Variants in CTNNA2 observed in about 807,000 individuals in gnomAD.
CTNNA2 encodes catenin alpha-2.
Under a neutral mutation model 101.0 loss-of-function variants are expected in CTNNA2, and 42 were observed. That is an observed-to-expected ratio of 0.42 (90% CI 0.32 to 0.54). CTNNA2 has a LOEUF of 0.54. Among genes scored for constraint, CTNNA2 ranks in the 20% least tolerant of loss-of-function variants. The pLI is 0.14. For synonymous variants in CTNNA2, 450 were observed against 456.4 expected, an observed-to-expected ratio of 0.99 and a Z score of 0.18; for missense variants, 871 against 1,223.1, an observed-to-expected ratio of 0.71 and a Z score of 4.29.
At chr2:80,564,872 C>T (rs183728044) in intron 12 of CTNNA2, among the ~76,000 whole-genome samples, 118 of 152,220 alleles carry the variant, frequency 7.8e-4, no homozygotes, top group Admixed American at 1.2e-3. Flanking sequence ...TTTTCAACTT[C>T]GAACCTGATG....
intron 7 of CTNNA2, among the ~76,000 whole-genome samples, chr2:79,962,774 A>T (rs1243452383): frequency 1.3e-5 from 2 of 152,138 alleles, no homozygotes; most frequent in African/African-American, 4.8e-5. Context: ...GCAATGAATT[A>T]ATGTTACACA....
At chr2:80,644,654 G>A (rs1410524699) in intron 18 of CTNNA2, among the ~76,000 whole-genome samples, 2 of 152,258 alleles carry the variant, frequency 1.3e-5, no homozygotes, top group Non-Finnish European at 2.9e-5. Flanking sequence ...GTAACCTTTG[G>A]AAATTCAACT....
chr2:79,194,941 C>T (rs1356081222), intron 1 of CTNNA2, among the ~76,000 whole-genome samples: 1 of 152,118 alleles, frequency 6.6e-6, no homozygotes, highest in Non-Finnish European at 1.5e-5. Flanking sequence ...AGCAATACTT[C>T]GTGAAAGCTC....
chr2:80,522,654 C>A (rs1198055186), intron 9 of CTNNA2, among the ~76,000 whole-genome samples: 1 of 151,918 alleles, frequency 6.6e-6, no homozygotes, highest in Non-Finnish European at 1.5e-5. Flanking sequence ...TGGTTTAGTA[C>A]CATCCCCTTA....
At chr2:80,523,246 A>G (rs972481731) in intron 9 of CTNNA2, among the ~76,000 whole-genome samples, 1 of 152,188 alleles carries the variant, frequency 6.6e-6, no homozygotes, top group Non-Finnish European at 1.5e-5. Context: ...ATTCAAATAC[A>G]TGGGTGAGCA....
At chr2:79,845,172 C>T (rs1680135525) in intron 3 of CTNNA2, among the ~76,000 whole-genome samples, 2 of 104,202 alleles carry the variant, frequency 1.9e-5, no homozygotes, top group Non-Finnish European at 1.9e-5. Flanking sequence ...AACACAGCTG[C>T]TTTTTTTTTT....
chr2:79,222,696 TC>T (rs1674360256), intron 2 of CTNNA2, among the ~76,000 whole-genome samples: 8 of 152,138 alleles, frequency 5.3e-5, no homozygotes, highest in African/African-American at 1.9e-4. Flanking sequence ...TCTCTCTCTC[TC>T]TCTCTGTTCT....
intron 3 of CTNNA2, among the ~76,000 whole-genome samples, chr2:79,841,674 G>A (rs138380179): frequency 4.7e-4 from 72 of 152,286 alleles, no homozygotes; most frequent in Middle Eastern, 3.4e-3. Flanking sequence ...AAAGCAATGT[G>A]TGATCTTTAT....
chr2:79,804,865 T>C (rs1676447141), intron 3 of CTNNA2, among the ~76,000 whole-genome samples: 1 of 152,168 alleles, frequency 6.6e-6, no homozygotes, highest in Non-Finnish European at 1.5e-5. Context: ...GTTTTGAACA[T>C]TTTAAAAGTC....
At chr2:79,430,045 C>A (rs1678639942) in intron 4 of CTNNA2, among the ~76,000 whole-genome samples, 1 of 151,864 alleles carries the variant, frequency 6.6e-6, no homozygotes, top group Non-Finnish European at 1.5e-5. Context: ...GATTTTGCAC[C>A]AAAGGAAACA....
At chr2:80,398,986 G>A (rs1678306331) in intron 8 of CTNNA2, among the ~76,000 whole-genome samples, 1 of 150,574 alleles carries the variant, frequency 6.6e-6, no homozygotes, top group African/African-American at 2.4e-5. Context: ...TCAACTCACT[G>A]CAACCTTCAC....
chr2:79,784,914 G>A (rs1247411774), intron 3 of CTNNA2, among the ~76,000 whole-genome samples: 1 of 152,056 alleles, frequency 6.6e-6, no homozygotes, highest in Admixed American at 6.6e-5. Context: ...GGTTGCCCGT[G>A]AAGCTTAGTG....
At chr2:80,571,075 A>G (rs1410515080) in intron 12 of CTNNA2, among the ~76,000 whole-genome samples, 1 of 152,176 alleles carries the variant, frequency 6.6e-6, no homozygotes, top group Non-Finnish European at 1.5e-5. Flanking sequence ...GTCACCTTCT[A>G]CGTTGTCCTC....
intron 6 of CTNNA2, among the ~76,000 whole-genome samples, chr2:79,883,112 T>C (rs1440648277): frequency 2.0e-5 from 3 of 152,190 alleles, no homozygotes; most frequent in African/African-American, 7.2e-5. Context: ...TCCGATCGCC[T>C]CTGTTTCTAG....
chr2:80,296,104 G>A (rs1000858571), intron 7 of CTNNA2, among the ~76,000 whole-genome samples: 2 of 151,746 alleles, frequency 1.3e-5, no homozygotes, highest in East Asian at 3.9e-4. Context: ...AAATTTATGG[G>A]GTACATGAGA....
intron 9 of CTNNA2, among the ~76,000 whole-genome samples, chr2:80,499,726 C>G (rs1195095057): frequency 6.6e-6 from 1 of 152,014 alleles, no homozygotes; most frequent in Non-Finnish European, 1.5e-5. Flanking sequence ...GAGACTGAGG[C>G]AGGAGAATTG....
chr2:79,931,848 T>A (rs1203250011), intron 7 of CTNNA2, among the ~76,000 whole-genome samples: 1 of 152,136 alleles, frequency 6.6e-6, no homozygotes, highest in Non-Finnish European at 1.5e-5. Flanking sequence ...AATCCAAACA[T>A]GGGAATCCAG....
intron 3 of CTNNA2, among the ~76,000 whole-genome samples, chr2:79,829,422 A>ACACACACACACACACAC (rs1553376366): frequency 8.1e-6 from 1 of 123,980 alleles, no homozygotes; most frequent in African/African-American, 3.2e-5. Flanking sequence ...CACAGACACA[A>ACACACACACACACACAC]AGCCGGGCGA....
intron 4 of CTNNA2, among the ~76,000 whole-genome samples, chr2:79,458,543 G>A (rs1670848317): frequency 6.6e-6 from 1 of 152,064 alleles, no homozygotes; most frequent in African/African-American, 2.4e-5. Context: ...CATCACAATA[G>A]GATTGTTAAT....
Sources: gnomAD v4.1 joint callset for allele counts (sites outside exome capture counted in the v4.1 genomes callset) on GRCh38, gnomAD v4.1.1 for gene constraint, MANE v1.5 for transcripts, NCBI Gene and HGNC (gene_info 2026-07-23, HGNC 2026-07-21) for gene names.